Variants in PID1 observed in about 807,000 individuals in gnomAD.
The protein encoded by PID1 is PTB-containing, cubilin and LRP1-interacting protein.
A neutral mutation model predicts 19.1 loss-of-function variants in PID1; 10 were observed. The observed-to-expected ratio is 0.52, with a 90% CI of 0.32 to 0.89. PID1 has a LOEUF of 0.89. PID1 is among the 40% of genes least tolerant of loss of function. PID1 has a pLI of 0.03. For synonymous variants in PID1, 130 were observed against 116.0 expected (o/e 1.12, Z -0.78); for missense variants, 248 against 285.3 (o/e 0.87, Z 0.94).
intron 1 of PID1, among the ~76,000 whole-genome samples, chr2:229,253,994 G>A (rs1220833207): frequency 3.3e-5 from 5 of 152,180 alleles, no homozygotes; most frequent in South Asian, 4.1e-4. Flanking sequence ...GCAGCAGGAC[G>A]ACAGACCTTC....
chr2:229,068,465 T>G (rs998534541), intron 2 of PID1, among the ~76,000 whole-genome samples: 1 of 152,168 alleles, frequency 6.6e-6, no homozygotes, highest in Non-Finnish European at 1.5e-5. Flanking sequence ...GGATTTCCTC[T>G]GGAAAACAAG....
intron 1 of PID1, among the ~76,000 whole-genome samples, chr2:229,211,707 T>C (rs1224848608): frequency 5.9e-5 from 9 of 152,212 alleles, no homozygotes; most frequent in Non-Finnish European, 4.4e-5. Flanking sequence ...CCAGAGGACT[T>C]TCCTTCCCAC....
rs60513006 is a variant in PID1 at position 229,134,231 on chromosome 2, G to GTTTTTTTT, written c.177+21579_177+21586dup. Among the ~76,000 whole-genome samples the GTTTTTTTT allele has an allele frequency of 1.9e-4, 21 of 109,200 alleles. 1 individual carries two copies. The highest frequency in any genetic ancestry group is 1.2e-3 in the South Asian group (3 of 2,534). 71.6% of individuals were successfully genotyped at this position (109,200 alleles called of 152,430 possible). On this transcript the variant is annotated intron_variant, in intron 2 of 2. Coordinates refer to ENST00000392055, the MANE Select transcript of PID1 (RefSeq NM_001100818.2). The stretch of plus-strand genomic sequence containing the variant: ...TTCAATAACAATGTTTACTACCTGT[G>GTTTTTTTT]TTTTTTTTTTTTTTTTTTTTTGAGA...
At chr2:229,081,699 T>C (rs1248406838) in intron 2 of PID1, among the ~76,000 whole-genome samples, 2 of 152,232 alleles carry the variant, frequency 1.3e-5, no homozygotes, top group Non-Finnish European at 2.9e-5. Flanking sequence ...CTTTAGTTCC[T>C]TCCATTAAAG....
chr2:229,109,528 C>T (rs1018834543), intron 2 of PID1, among the ~76,000 whole-genome samples: 1 of 152,162 alleles, frequency 6.6e-6, no homozygotes, highest in Non-Finnish European at 1.5e-5. Flanking sequence ...GCATGCTCCC[C>T]ATCACAGAAG....
intron 2 of PID1, among the ~76,000 whole-genome samples, chr2:229,082,206 C>T (rs918380297): frequency 1.3e-5 from 2 of 152,160 alleles, no homozygotes; most frequent in African/African-American, 4.8e-5. Context: ...GACGAGGCTC[C>T]AACATGGACT....
chr2:229,108,589 T>C (rs938515807), intron 2 of PID1, among the ~76,000 whole-genome samples: 1 of 152,246 alleles, frequency 6.6e-6, no homozygotes, highest in Non-Finnish European at 1.5e-5. Context: ...GAATGCATTA[T>C]AGGAATGTTT....
chr2:229,052,141 C>T (rs1218256983), intron 2 of PID1, among the ~76,000 whole-genome samples: 1 of 152,158 alleles, frequency 6.6e-6, no homozygotes, highest in Non-Finnish European at 1.5e-5. Flanking sequence ...AGTGATTTAA[C>T]AACGTTATAG....
chr2:229,200,451 C>T (rs1466240305), intron 1 of PID1, among the ~76,000 whole-genome samples: 1 of 152,018 alleles, frequency 6.6e-6, no homozygotes, highest in African/African-American at 2.4e-5. Context: ...AGGAACCCTC[C>T]TCTGCCTGTT....
intron 2 of PID1, among the ~76,000 whole-genome samples, chr2:229,111,102 CTTGCCTT>C (rs1695289650): frequency 6.6e-6 from 1 of 152,188 alleles, no homozygotes; most frequent in South Asian, 2.1e-4. Context: ...CCATGGAAGA[CTTGCCTT>C]TTGCCTTCCA....
rs1693384019 is a variant in PID1 at position 229,025,177 on chromosome 2, T to G, written c.*455A>C. 1 of 163,268 alleles carries G rather than the reference T, an allele frequency of 6.1e-6. No individual in the cohort carries two copies. The highest frequency in any genetic ancestry group is 2.4e-5 in the African/African-American group (1 of 41,552). The allele number at this position is 163,268 out of a possible 1,614,324, so 10.1% of individuals were successfully genotyped here. A position where few individuals can be genotyped will look rare whatever the true frequency, so the allele number is the denominator to read the frequency against. ...GGAACAGAGGGCCCTCCCGAGATGT[T>G]CCTTCCTCCCTGCGGCCAGCGTCCC... On this transcript the variant is annotated 3_prime_UTR_variant, in exon 3 of 3. Coordinates refer to ENST00000392055, the MANE Select transcript of PID1 (RefSeq NM_001100818.2).
chr2:229,115,938 C>A (rs1185090236), intron 2 of PID1, among the ~76,000 whole-genome samples: 1 of 152,016 alleles, frequency 6.6e-6, no homozygotes, highest in Non-Finnish European at 1.5e-5. Context: ...TTTTAAAAAT[C>A]ATTTTAATCA....
chr2:229,216,725 A>C (rs1481863241), intron 1 of PID1, among the ~76,000 whole-genome samples: 1 of 152,194 alleles, frequency 6.6e-6, no homozygotes, highest in Non-Finnish European at 1.5e-5. Context: ...CCCATAAACA[A>C]AACCAAGAAC....
intron 1 of PID1, among the ~76,000 whole-genome samples, chr2:229,229,187 G>A (rs1946124): frequency 0.53 from 80,058 of 151,948 alleles, 21,792 homozygotes; most frequent in African/African-American, 0.62. Flanking sequence ...ATAAATGACC[G>A]GCAATAAAGT....
intron 2 of PID1, among the ~76,000 whole-genome samples, chr2:229,072,312 G>A (rs1384441872): frequency 6.6e-6 from 1 of 152,210 alleles, no homozygotes; most frequent in Non-Finnish European, 1.5e-5. Flanking sequence ...CTATAGGCCA[G>A]GCGTGGTGGC....
chr2:229,082,870 G>A (rs1694695029), intron 2 of PID1, among the ~76,000 whole-genome samples: 1 of 152,146 alleles, frequency 6.6e-6, no homozygotes, highest in Admixed American at 6.5e-5. Context: ...ATAGGACTGT[G>A]AGATAACCAA....
At chr2:229,048,828 A>G (rs1693934637) in intron 2 of PID1, among the ~76,000 whole-genome samples, 1 of 152,168 alleles carries the variant, frequency 6.6e-6, no homozygotes, top group Non-Finnish European at 1.5e-5. Flanking sequence ...TTAAAGTAAC[A>G]GTATTTTGGG....
intron 1 of PID1, among the ~76,000 whole-genome samples, chr2:229,160,213 T>C (rs1690464251): frequency 2.0e-5 from 3 of 152,204 alleles, no homozygotes; most frequent in African/African-American, 7.2e-5. Context: ...AGTTCCGAGA[T>C]GGTCTTCCCA....
rs1212516661 is a variant in PID1 at position 229,155,572 on chromosome 2, C to CA, written c.177+245dup. On this transcript the variant is annotated intron_variant, in intron 2 of 2. Transcript: ENST00000392055. ...TGGGCGACAGAGCGAGACTCCGTCT[C>CA]AAAAAAAAACAAAAACAAAAAAACC... Among the ~76,000 whole-genome samples, 525 of 98,426 alleles carry CA rather than the reference C, an allele frequency of 5.3e-3. 8 individuals are homozygous for CA. Among genetic ancestry groups the CA allele is most frequent in the South Asian group, 0.01 (30 of 2,954 alleles). The allele number at this position is 98,426 out of a possible 152,430, so 64.6% of individuals were successfully genotyped here.
Sources: allele counts gnomAD v4.1 joint callset (sites outside exome capture counted in the v4.1 genomes callset), GRCh38; gene constraint gnomAD v4.1.1; transcripts MANE v1.5; gene names NCBI Gene and HGNC (gene_info 2026-07-23, HGNC 2026-07-21).